Variants in HOXC4 observed in about 807,000 individuals in gnomAD.
HOXC4 encodes homeobox protein Hox-C4.
In HOXC4, 15 loss-of-function variants were observed where a neutral mutation model predicts 25.5. The ratio of observed to expected loss-of-function variants is 0.59; its 90% CI spans 0.39 to 0.91. The LOEUF is 0.91. Ranked by LOEUF, HOXC4 falls within the 40% of genes least tolerant of loss-of-function variation. The pLI, the probability that HOXC4 is intolerant of heterozygous loss-of-function variation, is 0.00. For synonymous variants in HOXC4, 165 were observed against 148.0 expected, an observed-to-expected ratio of 1.11 and a Z score of -0.83; for missense variants, 342 against 352.4, an observed-to-expected ratio of 0.97 and a Z score of 0.24.
chr12:54,045,958 G>C (rs1433686946), intron 1 of HOXC4, among the ~76,000 whole-genome samples: 6 of 152,160 alleles, frequency 3.9e-5, no homozygotes, highest in Non-Finnish European at 1.5e-5. Context: ...AAAAAGAAGG[G>C]GGAGAGAAGA....
intron 1 of HOXC4, among the ~76,000 whole-genome samples, chr12:54,018,127 G>A (rs1940246931): frequency 6.6e-6 from 1 of 152,138 alleles, no homozygotes; most frequent in Admixed American, 6.5e-5. Context: ...AGGGTGGGAG[G>A]TGCCCTGCGT....
intron 1 of HOXC4, among the ~76,000 whole-genome samples, chr12:54,048,731 A>C (rs1565752278): frequency 6.6e-6 from 1 of 152,162 alleles, no homozygotes; most frequent in Non-Finnish European, 1.5e-5. Context: ...GAACAGATTA[A>C]GGCACTTTGA....
intron 1 of HOXC4, among the ~76,000 whole-genome samples, chr12:54,025,623 C>T (rs1473792628): frequency 6.6e-6 from 1 of 152,064 alleles, no homozygotes; most frequent in African/African-American, 2.4e-5. Flanking sequence ...CTCCCCCTTC[C>T]AGCATTTCTG....
chr12:54,033,267 T>C (rs766496557), intron 1 of HOXC4: 1 of 1,614,116 alleles, frequency 6.2e-7, no homozygotes, highest in Non-Finnish European at 8.5e-7. Context: ...AAGCATCACT[T>C]TCCCACCGCC....
chr12:54,048,138 C>A (rs1490036793), intron 1 of HOXC4, among the ~76,000 whole-genome samples: 1 of 151,960 alleles, frequency 6.6e-6, no homozygotes, highest in African/African-American at 2.4e-5. Flanking sequence ...TGGGGCTGAG[C>A]AAACTGGACC....
chr12:54,044,917 A>G (rs1039657625), intron 1 of HOXC4, among the ~76,000 whole-genome samples: 8 of 152,186 alleles, frequency 5.3e-5, no homozygotes, highest in African/African-American at 9.7e-5. Flanking sequence ...CAAAGTTAAG[A>G]GCCCTCTAAT....
chr12:54,053,025 T>C (rs1165743434), upstream of HOXC4: 2 of 152,634 alleles, frequency 1.3e-5, no homozygotes, highest in Non-Finnish European at 2.9e-5. Context: ...CCGGGCTGAA[T>C]GGGGAGTGGA....
chr12:54,045,229 T>C (rs936767772), intron 1 of HOXC4, among the ~76,000 whole-genome samples: 7 of 152,262 alleles, frequency 4.6e-5, no homozygotes, highest in African/African-American at 1.4e-4. Context: ...AACGTATTTA[T>C]AGATCGTTCT....
intron 1 of HOXC4, among the ~76,000 whole-genome samples, chr12:54,048,833 C>T (rs76416477): frequency 4.2e-3 from 637 of 152,272 alleles, no homozygotes; most frequent in Middle Eastern, 0.01. Context: ...CATAAACTAA[C>T]CTAAGGCCAG....
intron 1 of HOXC4, chr12:54,028,672 T>G (rs1231620764): frequency 1.2e-6 from 2 of 1,613,922 alleles, no homozygotes; most frequent in Non-Finnish European, 1.7e-6. Context: ...CCGGATCTAC[T>G]CGACTCCCTT....
chr12:54,033,083 A>G (rs760259017), intron 1 of HOXC4: 48 of 1,537,192 alleles, frequency 3.1e-5, no homozygotes, highest in Non-Finnish European at 4.0e-5. Flanking sequence ...ATCACCCTTA[A>G]TCAAAAAGGG....
At chr12:54,024,122 C>T (rs1048217541) in intron 1 of HOXC4, among the ~76,000 whole-genome samples, 4 of 152,202 alleles carry the variant, frequency 2.6e-5, no homozygotes, top group Non-Finnish European at 5.9e-5. Flanking sequence ...ATGAGGGGAG[C>T]TGAGCAATTA....
intron 1 of HOXC4, among the ~76,000 whole-genome samples, chr12:54,045,838 C>T (rs1937689052): frequency 6.6e-6 from 1 of 152,192 alleles, no homozygotes; most frequent in Non-Finnish European, 1.5e-5. Flanking sequence ...TCTAGTCCCA[C>T]TAAGTTATCT....
chr12:54,033,453 C>T, intron 1 of HOXC4: 1 of 1,599,518 alleles, frequency 6.3e-7, no homozygotes, highest in Non-Finnish European at 8.5e-7. Flanking sequence ...GCTGGAGGAG[C>T]GAGCTAAGAG....
chr12:54,051,532 A>T (rs144985013), upstream of HOXC4, among the ~76,000 whole-genome samples: 1 of 152,304 alleles, frequency 6.6e-6, no homozygotes, highest in African/African-American at 2.4e-5. Flanking sequence ...CTGTCCTCAC[A>T]TGCAGAGAGT....
chr12:54,037,467 G>C (rs969407910), intron 1 of HOXC4, among the ~76,000 whole-genome samples: 3 of 152,198 alleles, frequency 2.0e-5, no homozygotes, highest in Non-Finnish European at 4.4e-5. Flanking sequence ...TTACCTTCCC[G>C]GGGGAGTGGG....
intron 1 of HOXC4, among the ~76,000 whole-genome samples, chr12:54,044,550 C>G (rs1332261289): frequency 6.6e-6 from 1 of 152,110 alleles, no homozygotes; most frequent in Non-Finnish European, 1.5e-5. Flanking sequence ...CCCCCTTTGA[C>G]AAGGTAGAAC....
rs556314732 is a variant in HOXC4, at chr12:54,034,884, G to T, written c.-124+17470G>T. The T allele has an allele frequency of 4.1e-5, 11 of 266,550 alleles. No homozygotes were observed. The East Asian group carries it at 8.3e-4, about 20-fold the overall frequency. The allele number at this position is 266,550 out of a possible 1,614,324, so 16.5% of individuals were successfully genotyped here. The stretch of plus-strand genomic sequence containing the variant: ...CGGCCCGCGCCACAGGACCCTCGCC[G>T]GACCCTCTAACCTCGCCCTCTCCTT... On this transcript the variant is annotated intron_variant, in intron 1 of 3. Coordinates refer to the HOXC4 transcript ENST00000303406.
chr12:54,046,710 G>A (rs1937716390), intron 1 of HOXC4, among the ~76,000 whole-genome samples: 1 of 152,184 alleles, frequency 6.6e-6, no homozygotes, highest in African/African-American at 2.4e-5. Context: ...AGGGAAAGAA[G>A]TCAGCCACAG....
Sources: allele counts gnomAD v4.1 joint callset (sites outside exome capture counted in the v4.1 genomes callset), GRCh38; gene constraint gnomAD v4.1.1; transcripts MANE v1.5; gene names NCBI Gene and HGNC (gene_info 2026-07-23, HGNC 2026-07-21).